The following DGCR2 variants were observed in gnomAD, a reference collection of about 807,000 sequenced individuals.
DGCR2 encodes DiGeorge syndrome critical region gene 2.
A neutral mutation model predicts 51.6 loss-of-function variants in DGCR2; 24 were observed. The ratio of observed to expected loss-of-function variants is 0.47; its 90% confidence interval spans 0.34 to 0.65. The LOEUF (loss-of-function observed/expected upper bound fraction) is 0.65, where lower values mean the gene tolerates loss of function less well. DGCR2 is among the 30% of genes least tolerant of loss of function. The pLI, the probability that DGCR2 is intolerant of heterozygous loss-of-function variation, is 0.01. For synonymous variants in DGCR2, 340 were observed against 315.4 expected (o/e 1.08, Z -0.82); for missense variants, 765 against 772.1 (o/e 0.99, Z 0.11).
At chr22:19,075,437 ACT>A (rs2082864539) in intron 2 of DGCR2, among the ~76,000 whole-genome samples, 1 of 147,300 alleles carries the variant, frequency 6.8e-6, no homozygotes, top group African/African-American at 2.6e-5. Flanking sequence ...ACAGAGCAAG[ACT>A]CTGTCTCAAA....
intron 3 of DGCR2, among the ~76,000 whole-genome samples, chr22:19,065,503 A>G (rs1557845): frequency 0.49 from 75,023 of 152,034 alleles, 19,653 homozygotes; most frequent in African/African-American, 0.68. Context: ...CATTTGCAGT[A>G]GGGGCTGGCC....
At chr22:19,072,900 A>C (rs59759592) in intron 2 of DGCR2, among the ~76,000 whole-genome samples, 1 of 150,136 alleles carries the variant, frequency 6.7e-6, no homozygotes, top group Admixed American at 6.6e-5. Flanking sequence ...ATTTTTTTTT[A>C]AAAAAAAGGA....
At chr22:19,103,556 G>C (rs1433200932) in intron 1 of DGCR2, among the ~76,000 whole-genome samples, 1 of 146,454 alleles carries the variant, frequency 6.8e-6, no homozygotes, top group East Asian at 2.0e-4. Context: ...TCAGCCTCCC[G>C]AGTAGCTGAG....
intron 2 of DGCR2, 123 bp from the exon 3 acceptor site, chr22:19,068,348 G>T: frequency 8.6e-7 from 1 of 1,167,784 alleles, no homozygotes; most frequent in Middle Eastern, 2.2e-4. Context: ...ACAGAGTCCG[G>T]CAATGCAGGC....
At chr22:19,062,366 C>G (rs1461476935) in intron 5 of DGCR2, among the ~76,000 whole-genome samples, 1 of 152,170 alleles carries the variant, frequency 6.6e-6, no homozygotes, top group African/African-American at 2.4e-5. Flanking sequence ...CTGTGGGGCC[C>G]TCTTTTCTCC....
chr22:19,102,370 A>G (rs973806474), intron 1 of DGCR2, among the ~76,000 whole-genome samples: 4 of 152,196 alleles, frequency 2.6e-5, no homozygotes, highest in African/African-American at 9.7e-5. Flanking sequence ...AACATTCTGC[A>G]TGTTCTTAGC....
At chr22:19,068,076 A>C (rs1601225898) in intron 3 of DGCR2, 24 bp downstream of exon 3, 1 of 1,546,132 alleles carries the variant, frequency 6.5e-7, no homozygotes, top group Non-Finnish European at 8.7e-7. Flanking sequence ...CCAGTGTCCC[A>C]GTCAGGGCAG....
Position 19,051,338 on chromosome 22 carries a change from A to G in DGCR2, c.803-2695T>C, listed in dbSNP as rs901305516. On this transcript the variant is annotated intron_variant, in intron 6 of 9. Coordinates refer to ENST00000263196, the MANE Select transcript of DGCR2 (RefSeq NM_005137.3). The stretch of plus-strand genomic sequence containing the variant: ...ACTTTTGTTCCTGAAAGCTCACCTG[A>G]AGAGGATGAAGGCAAGCTACAGACT... Among the ~76,000 whole-genome samples the G allele has an allele frequency of 2.6e-5, 4 of 152,170 alleles. 1 individual carries two copies. In the South Asian group the frequency reaches 6.2e-4, roughly 24 times the overall value.
intron 3 of DGCR2, 79 bp from the exon 4 acceptor site, chr22:19,065,146 A>G: frequency 8.1e-7 from 1 of 1,237,924 alleles, no homozygotes; most frequent in Non-Finnish European, 1.2e-6. Context: ...CATCAGGGAC[A>G]GGCACACCTT....
At chr22:19,093,570 T>C (rs190410015) in intron 1 of DGCR2, among the ~76,000 whole-genome samples, 1 of 152,262 alleles carries the variant, frequency 6.6e-6, no homozygotes, top group African/African-American at 2.4e-5. Flanking sequence ...TCAAAAGACA[T>C]GTTAAGATAA....
At chr22:19,090,068 A>C (rs1302484993) in intron 1 of DGCR2, among the ~76,000 whole-genome samples, 1 of 152,244 alleles carries the variant, frequency 6.6e-6, no homozygotes, top group Non-Finnish European at 1.5e-5. Flanking sequence ...TGTAACACTT[A>C]AGATGAAAAG....
chr22:19,045,757 C>T (rs976332334), intron 7 of DGCR2, among the ~76,000 whole-genome samples: 28 of 152,092 alleles, frequency 1.8e-4, no homozygotes, highest in African/African-American at 5.8e-4. Context: ...GATGGAGTCT[C>T]GCTCTGTCAC....
intron 5 of DGCR2, among the ~76,000 whole-genome samples, chr22:19,062,925 G>GGTCTTTAA (rs2082698656): frequency 6.6e-6 from 1 of 151,988 alleles, no homozygotes; most frequent in Admixed American, 6.6e-5. Flanking sequence ...TATACTCCAA[G>GGTCTTTAA]GTCTTTAACT....
chr22:19,079,665 G>C (rs2082914996), intron 2 of DGCR2, among the ~76,000 whole-genome samples: 1 of 152,226 alleles, frequency 6.6e-6, no homozygotes, highest in African/African-American at 2.4e-5. Context: ...ACAACCCCAA[G>C]TGACAGGCAC....
At chr22:19,113,996 T>C (rs543031052) in intron 1 of DGCR2, among the ~76,000 whole-genome samples, 2 of 147,250 alleles carry the variant, frequency 1.4e-5, no homozygotes, top group Non-Finnish European at 3.0e-5. Flanking sequence ...GAAGTGGAGG[T>C]TGCAGTGAGC....
intron 1 of DGCR2, among the ~76,000 whole-genome samples, chr22:19,105,105 C>T (rs1209812340): frequency 2.0e-5 from 3 of 152,072 alleles, no homozygotes; most frequent in Non-Finnish European, 4.4e-5. Context: ...GGTGGATCAC[C>T]GGAGGCCAGG....
chr22:19,037,376 T>G lies in DGCR2; in HGVS notation c.*1489A>C, dbSNP rs1323688673. 1 of 152,236 alleles carries G rather than the reference T, an allele frequency of 6.6e-6. No homozygotes were observed. Among genetic ancestry groups the G allele is most frequent in the Non-Finnish European group, 1.5e-5 (1 of 68,050 alleles). The allele number at this position is 152,236 out of a possible 1,614,324, so 9.4% of individuals were successfully genotyped here. On this transcript the variant is annotated 3_prime_UTR_variant, in exon 10 of 10. Transcript: ENST00000263196. ...GGTCTCCAGCCACAGTGTGAGAATGTGTCAAGAAGTGGACTGTGCATGGAG... is the reference window on the plus strand; with the variant it reads ...GGTCTCCAGCCACAGTGTGAGAATGGGTCAAGAAGTGGACTGTGCATGGAG...
chr22:19,041,330 A>C (rs1435990649), intron 8 of DGCR2, 36 bp from the exon 9 acceptor site: 1 of 1,599,620 alleles, frequency 6.3e-7, no homozygotes, highest in Admixed American at 1.7e-5. Context: ...GAACAGAGAC[A>C]AGTCACTGGG....
At chr22:19,065,142 G>T in intron 3 of DGCR2, 75 bp from the exon 4 acceptor site, 1 of 1,268,448 alleles carries the variant, frequency 7.9e-7, no homozygotes, top group Non-Finnish European at 1.1e-6. Context: ...ACTCCATCAG[G>T]GACAGGCACA....
Sources: allele counts gnomAD v4.1 joint callset (sites outside exome capture counted in the v4.1 genomes callset), GRCh38; gene constraint gnomAD v4.1.1; transcripts MANE v1.5; gene names NCBI Gene and HGNC (gene_info 2026-07-23, HGNC 2026-07-21).